Variants in CAST observed in about 807,000 individuals in gnomAD.
CAST encodes the protein calpastatin.
CAST carries 76 observed loss-of-function variants against 119.6 expected under a neutral mutation model. The ratio of observed to expected loss-of-function variants is 0.64; its 90% CI spans 0.53 to 0.77. CAST has a LOEUF of 0.77. Among genes scored for constraint, CAST ranks in the 30% least tolerant of loss-of-function variants. The pLI, the probability that CAST is intolerant of heterozygous loss-of-function variation, is 0.00. For missense variants in CAST, 953 were observed against 946.5 expected (o/e 1.01, Z -0.09); for synonymous variants, 319 against 331.6 (o/e 0.96, Z 0.41).
the CAST span, among the ~76,000 whole-genome samples, chr5:96,444,374 C>T: frequency 6.6e-6 from 1 of 152,146 alleles, no homozygotes; most frequent in African/African-American, 2.4e-5. Context: ...TAAAGTTTTA[C>T]TGTTTTCTAT....
the CAST span, among the ~76,000 whole-genome samples, chr5:96,320,944 G>T: frequency 6.6e-6 from 1 of 152,122 alleles, no homozygotes; most frequent in Non-Finnish European, 1.5e-5. Flanking sequence ...AAAATAATTG[G>T]TGAGTCGTCG....
At chr5:95,970,851 C>T in the CAST span, among the ~76,000 whole-genome samples, 1 of 152,238 alleles carries the variant, frequency 6.6e-6, no homozygotes, top group Non-Finnish European at 1.5e-5. Flanking sequence ...TTAAAAGCAT[C>T]AAGTATTTGA....
Position 96,770,592 on chromosome 5 carries a change from A to G in CAST, c.2330A>G (p.Asp777Gly). Residue 777 changes from aspartate to glycine, a missense_variant, in exon 30 of 32, where the codon GAT becomes GGT. Transcript: ENST00000675179. ...KAPKNGGKAK[D>G]SAKTTEETSK... Reference sequence around the variant, plus strand: ...CCTAAGAATGGAGGTAAAGCGAAGGATTCAGCAAAGGTAAATGGAGCAGTA... The same window carrying G: ...CCTAAGAATGGAGGTAAAGCGAAGGGTTCAGCAAAGGTAAATGGAGCAGTA... 6.2e-7 allele frequency: 1 copy of G among 1,610,764 alleles called. No homozygotes were observed. Among genetic ancestry groups the G allele is most frequent in the Non-Finnish European group, 8.5e-7 (1 of 1,177,184 alleles).
intron 1 of CAST, among the ~76,000 whole-genome samples, chr5:96,550,323 C>A (rs1375851530): frequency 6.6e-6 from 1 of 152,198 alleles, no homozygotes; most frequent in African/African-American, 2.4e-5. Flanking sequence ...GCTGAGGGGC[C>A]TGTCTGTTAG....
chr5:96,639,294 G>A (rs1207340107), intron 1 of CAST, among the ~76,000 whole-genome samples: 1 of 152,188 alleles, frequency 6.6e-6, no homozygotes, highest in East Asian at 1.9e-4. Context: ...GGTATTTGGA[G>A]AGTGCTGTAG....
chr5:96,744,799 C>A (rs536982873), intron 16 of CAST, among the ~76,000 whole-genome samples: 13 of 152,166 alleles, frequency 8.5e-5, no homozygotes, highest in Non-Finnish European at 1.5e-4. Flanking sequence ...AGAGAGCTAT[C>A]TGTGGAAAAC....
intron 1 of CAST, among the ~76,000 whole-genome samples, chr5:96,664,759 A>G (rs73774358): frequency 0.032 from 4,805 of 152,280 alleles, 255 homozygotes; most frequent in African/African-American, 0.11. Context: ...TGGAATTCCA[A>G]TTTCCCTTGA....
intron 1 of CAST, among the ~76,000 whole-genome samples, chr5:96,530,711 A>G (rs930576972): frequency 3.3e-5 from 5 of 152,150 alleles, no homozygotes; most frequent in Admixed American, 1.3e-4. Flanking sequence ...GGAGAGAGGG[A>G]CCAGTTCAGA....
chr5:96,518,984 C>T, the CAST span, among the ~76,000 whole-genome samples: 1 of 151,884 alleles, frequency 6.6e-6, no homozygotes, highest in African/African-American at 2.4e-5. Flanking sequence ...TTGCTTAAAC[C>T]CGGGAGGCAG....
At chr5:96,568,564 C>CAAAAAAAA (rs70981830) in intron 1 of CAST, among the ~76,000 whole-genome samples, 4 of 70,910 alleles carry the variant, frequency 5.6e-5, no homozygotes, top group Non-Finnish European at 9.8e-5. Flanking sequence ...GACTCCATCT[C>CAAAAAAAA]AAAAAAAAAA....
chr5:96,376,634 T>A, the CAST span, among the ~76,000 whole-genome samples: 1 of 152,042 alleles, frequency 6.6e-6, no homozygotes, highest in Non-Finnish European at 1.5e-5. Context: ...AGAGACAGAG[T>A]TTCACCATGT....
the CAST span, among the ~76,000 whole-genome samples, chr5:96,453,106 A>G: frequency 0.44 from 66,642 of 151,950 alleles, 15,850 homozygotes; most frequent in Non-Finnish European, 0.54. Context: ...GTTAAGGAAG[A>G]AGGCATACAC....
At chr5:96,341,496 A>G in the CAST span, among the ~76,000 whole-genome samples, 1 of 152,100 alleles carries the variant, frequency 6.6e-6, no homozygotes, top group African/African-American at 2.4e-5. Flanking sequence ...TTGAAGTCTC[A>G]TTAGTGTAAG....
intron 4 of CAST, among the ~76,000 whole-genome samples, chr5:96,724,799 G>C (rs1758959259): frequency 6.6e-6 from 1 of 150,994 alleles, no homozygotes; most frequent in Admixed American, 6.7e-5. Flanking sequence ...CTCCAGCCCA[G>C]GTGACAGAGC....
At chr5:96,670,271 T>C (rs913187865) in intron 1 of CAST, among the ~76,000 whole-genome samples, 3 of 152,114 alleles carry the variant, frequency 2.0e-5, no homozygotes, top group Admixed American at 2.0e-4. Flanking sequence ...TGATACAATA[T>C]GTTTTAGTAT....
At chr5:96,419,229 CAGATAT>C in the CAST span, among the ~76,000 whole-genome samples, 30 of 150,378 alleles carry the variant, frequency 2.0e-4, no homozygotes, top group Non-Finnish European at 4.1e-4. Flanking sequence ...GCCAGATATA[CAGATAT>C]AGATATAGAT....
At chr5:96,283,137 A>AAAAAAAAAAAAAAAAAAAAG in the CAST span, among the ~76,000 whole-genome samples, 4 of 132,970 alleles carry the variant, frequency 3.0e-5, no homozygotes, top group East Asian at 2.2e-4. Flanking sequence ...CTCAAAAAAA[A>AAAAAAAAAAAAAAAAAAAAG]AAAAAAAAGA....
At chr5:96,358,844 G>A in the CAST span, among the ~76,000 whole-genome samples, 1 of 152,110 alleles carries the variant, frequency 6.6e-6, no homozygotes, top group Non-Finnish European at 1.5e-5. Context: ...ATGTCTCTTA[G>A]GTCTACTTGG....
At chr5:96,657,735 T>C (rs1301789875), upstream of CAST, among the ~76,000 whole-genome samples, 1 of 152,102 alleles carries the variant, frequency 6.6e-6, no homozygotes, top group African/African-American at 2.4e-5. Flanking sequence ...AAAATGAAAG[T>C]TAGTGGAAAG....
Sources: gnomAD v4.1 joint callset for allele counts (sites outside exome capture counted in the v4.1 genomes callset) on GRCh38, gnomAD v4.1.1 for gene constraint, MANE v1.5 for transcripts, NCBI Gene and HGNC (gene_info 2026-07-23, HGNC 2026-07-21) for gene names.